PALLD: variants seen among roughly 807,000 people sequenced by gnomAD.
PALLD encodes the protein palladin.
Under a neutral mutation model 123.5 loss-of-function variants are expected in PALLD, and 61 were observed. That is an observed-to-expected ratio of 0.49 (90% CI 0.40 to 0.61). PALLD has a LOEUF of 0.61. PALLD is among the 20% of genes least tolerant of loss of function. The pLI is 0.00. For missense variants in PALLD, 1,273 were observed against 1,377.0 expected, an observed-to-expected ratio of 0.92 and a Z score of 1.20; for synonymous variants, 465 against 496.4, an observed-to-expected ratio of 0.94 and a Z score of 0.84.
At chr4:168,566,784 G>A (rs1408193559) in intron 2 of PALLD, among the ~76,000 whole-genome samples, 1 of 152,182 alleles carries the variant, frequency 6.6e-6, no homozygotes, top group Non-Finnish European at 1.5e-5. Flanking sequence ...AAAATAAAGT[G>A]CTAAGCAGAA....
chr4:168,821,411 T>C (rs1420258566), intron 10 of PALLD, among the ~76,000 whole-genome samples: 1 of 152,200 alleles, frequency 6.6e-6, no homozygotes, highest in African/African-American at 2.4e-5. Context: ...AAGGTATTTT[T>C]TTTTTCATCA....
chr4:168,824,572 A>T (rs1272573692), intron 10 of PALLD, among the ~76,000 whole-genome samples: 1 of 152,108 alleles, frequency 6.6e-6, no homozygotes, highest in Non-Finnish European at 1.5e-5. Flanking sequence ...AAACAGACAA[A>T]TATCATATAC....
chr4:168,767,937 G>A (rs1018547025), intron 10 of PALLD, among the ~76,000 whole-genome samples: 29 of 152,072 alleles, frequency 1.9e-4, no homozygotes, highest in African/African-American at 6.8e-4. Flanking sequence ...TTCCAGCCTT[G>A]TCTCCACCAT....
intron 2 of PALLD, chr4:168,537,710 G>A (rs893320736): frequency 2.6e-5 from 4 of 152,084 alleles, no homozygotes; most frequent in African/African-American, 9.7e-5. Context: ...GCAAAATTTC[G>A]CTGGCAGTCT....
chr4:168,498,380 A>G (rs1406113811), intron 1 of PALLD, among the ~76,000 whole-genome samples: 1 of 152,206 alleles, frequency 6.6e-6, no homozygotes, highest in Non-Finnish European at 1.5e-5. Flanking sequence ...GCCTTATAGC[A>G]TATTTCACAA....
intron 1 of PALLD, 26 bp from the exon 2 acceptor site, chr4:168,511,397 T>A: frequency 1.2e-6 from 1 of 808,484 alleles, no homozygotes; most frequent in Non-Finnish European, 2.1e-6. Flanking sequence ...TCATTGCTAC[T>A]AATGACATTC....
intron 10 of PALLD, among the ~76,000 whole-genome samples, chr4:168,789,865 T>G (rs1437139432): frequency 6.6e-6 from 1 of 152,158 alleles, no homozygotes; most frequent in Non-Finnish European, 1.5e-5. Context: ...AAGGAAAAAG[T>G]ATAATCTAAT....
intron 10 of PALLD, among the ~76,000 whole-genome samples, chr4:168,836,557 C>A (rs1284024449): frequency 6.6e-6 from 1 of 152,186 alleles, no homozygotes; most frequent in Non-Finnish European, 1.5e-5. Flanking sequence ...ATAGTTATTG[C>A]TAACCAGGTG....
intron 10 of PALLD, among the ~76,000 whole-genome samples, chr4:168,815,857 GT>G (rs1741821683): frequency 6.6e-6 from 1 of 152,212 alleles, no homozygotes. Flanking sequence ...TTCAGAACAA[GT>G]ATTGGGAACA....
At chr4:168,508,978 C>G (rs577627403) in intron 1 of PALLD, among the ~76,000 whole-genome samples, 1 of 152,112 alleles carries the variant, frequency 6.6e-6, no homozygotes, top group Non-Finnish European at 1.5e-5. Flanking sequence ...AACTATAAAA[C>G]GTTTTGCAAT....
intron 10 of PALLD, among the ~76,000 whole-genome samples, chr4:168,809,582 G>A (rs959861547): frequency 7.9e-5 from 12 of 152,210 alleles, no homozygotes; most frequent in African/African-American, 2.9e-4. Flanking sequence ...CAGACGTGGG[G>A]CTGGGCACTG....
intron 2 of PALLD, among the ~76,000 whole-genome samples, chr4:168,569,077 T>A (rs1242750616): frequency 2.0e-5 from 3 of 152,174 alleles, no homozygotes; most frequent in African/African-American, 4.8e-5. Context: ...CAGAGAAATA[T>A]CTGTAGCAGC....
intron 2 of PALLD, among the ~76,000 whole-genome samples, chr4:168,612,757 G>A (rs932203017): frequency 2.0e-5 from 3 of 152,114 alleles, no homozygotes; most frequent in Non-Finnish European, 2.9e-5. Context: ...GGATAGAGTC[G>A]AGGGACTCAT....
chr4:168,901,318 T>C (rs946522997), intron 14 of PALLD, among the ~76,000 whole-genome samples: 2 of 152,228 alleles, frequency 1.3e-5, no homozygotes, highest in Admixed American at 6.5e-5. Context: ...AGTTGAGCCA[T>C]AGGAAGACTG....
intron 10 of PALLD, among the ~76,000 whole-genome samples, chr4:168,796,371 A>G (rs918404253): frequency 6.6e-6 from 1 of 152,254 alleles, no homozygotes; most frequent in Non-Finnish European, 1.5e-5. Context: ...CCCAGTGCAA[A>G]GGAGAACACC....
chr4:168,764,279 C>A (rs1451940936), intron 10 of PALLD, among the ~76,000 whole-genome samples: 1 of 151,986 alleles, frequency 6.6e-6, no homozygotes. Flanking sequence ...TAATACAGGA[C>A]CAATTTCTAT....
chr4:168,732,643 T>TA (rs1377754489), intron 10 of PALLD, among the ~76,000 whole-genome samples: 1 of 152,118 alleles, frequency 6.6e-6, no homozygotes, highest in Admixed American at 6.5e-5. Context: ...GTTCCAAAGG[T>TA]AAAAATGACC....
intron 2 of PALLD, among the ~76,000 whole-genome samples, chr4:168,588,032 A>G (rs1771018007): frequency 6.6e-6 from 1 of 151,954 alleles, no homozygotes; most frequent in Non-Finnish European, 1.5e-5. Flanking sequence ...GTCATTCTGA[A>G]GTCAAATCTG....
chr4:168,760,720 T>C lies in PALLD; in HGVS notation c.1964+48797T>C, dbSNP rs537488701. Among the ~76,000 whole-genome samples, 4 of 152,370 alleles carry C rather than the reference T, an allele frequency of 2.6e-5. No homozygotes were observed. In the East Asian group the frequency reaches 7.7e-4, roughly 29 times the overall value. On this transcript the variant is annotated intron_variant, in intron 10 of 21. Coordinates refer to ENST00000505667, the MANE Select transcript of PALLD (RefSeq NM_001166108.2). ...GGCTTCAAAGTCCAAAGATTGATTC[T>C]GGATATTGAATGTCCAGCTAAGGGA...
Sources: gnomAD v4.1 joint callset for allele counts (sites outside exome capture counted in the v4.1 genomes callset) on GRCh38, gnomAD v4.1.1 for gene constraint, MANE v1.5 for transcripts, NCBI Gene and HGNC (gene_info 2026-07-23, HGNC 2026-07-21) for gene names.